Variants in GALNTL6 observed in about 807,000 individuals in gnomAD.
The protein encoded by GALNTL6 is polypeptide N-acetylgalactosaminyltransferase-like 6.
A neutral mutation model predicts 73.7 loss-of-function variants in GALNTL6; 46 were observed. The observed-to-expected ratio is 0.62, with a 90% confidence interval of 0.49 to 0.80. The LOEUF (loss-of-function observed/expected upper bound fraction) is 0.80. GALNTL6 is among the 30% of genes least tolerant of loss of function. The probability of loss-of-function intolerance (pLI) is 0.00; values close to 1 mark genes in which losing one functional copy is unlikely to be tolerated. For missense variants in GALNTL6, 604 were observed against 755.0 expected, an observed-to-expected ratio of 0.80 and a Z score of 2.34; for synonymous variants, 259 against 263.7, an observed-to-expected ratio of 0.98 and a Z score of 0.17.
Position 172,176,337 on chromosome 4 carries a change from C to CAAAAAAAA in GALNTL6, c.139-53307_139-53300dup, listed in dbSNP as rs562300659. Among the ~76,000 whole-genome samples, 30 of 31,366 alleles carry CAAAAAAAA rather than the reference C, an allele frequency of 9.6e-4. 12 individuals carry two copies. Among genetic ancestry groups the CAAAAAAAA allele is most frequent in the South Asian group, 8.5e-3 (5 of 590 alleles). The allele number at this position is 31,366 out of a possible 152,430, so 20.6% of individuals were successfully genotyped here. On this transcript the variant is annotated intron_variant, in intron 2 of 12. Transcript: ENST00000506823. ...CCTGGGCGACAGCGAGACTCCGTCTCAAAAAAAAAAAAAAAAAAAGAGTGT... is the reference window on the plus strand; with the variant it reads ...CCTGGGCGACAGCGAGACTCCGTCTCAAAAAAAAAAAAAAAAAAAAAAAAAAAGAGTGT...
chr4:172,386,812 A>G (rs1278314158), intron 5 of GALNTL6, among the ~76,000 whole-genome samples: 2 of 152,090 alleles, frequency 1.3e-5, no homozygotes, highest in South Asian at 2.1e-4. Flanking sequence ...CCCCCAGCCA[A>G]TTGGATAGTT....
chr4:172,472,096 A>G (rs1156485947), intron 5 of GALNTL6, among the ~76,000 whole-genome samples: 1 of 152,210 alleles, frequency 6.6e-6, no homozygotes, highest in Admixed American at 6.5e-5. Context: ...AAATTCATAG[A>G]AGTTTTAGAA....
chr4:172,733,416 C>T (rs946135260), intron 5 of GALNTL6, among the ~76,000 whole-genome samples: 2 of 151,986 alleles, frequency 1.3e-5, no homozygotes, highest in Non-Finnish European at 2.9e-5. Context: ...TATGGTTTGG[C>T]TGTGTCCCTG....
At chr4:172,082,819 A>C (rs1158168062) in intron 2 of GALNTL6, among the ~76,000 whole-genome samples, 1 of 152,210 alleles carries the variant, frequency 6.6e-6, no homozygotes, top group Non-Finnish European at 1.5e-5. Context: ...AAAATGAGAA[A>C]GGAGACATCT....
chr4:172,053,605 C>T (rs974269149), intron 2 of GALNTL6, among the ~76,000 whole-genome samples: 2 of 152,220 alleles, frequency 1.3e-5, no homozygotes, highest in African/African-American at 2.4e-5. Flanking sequence ...CCACTACAAG[C>T]GAACTTAGTG....
chr4:172,902,557 A>G (rs1011105649), intron 8 of GALNTL6, among the ~76,000 whole-genome samples: 2 of 152,196 alleles, frequency 1.3e-5, no homozygotes, highest in Non-Finnish European at 2.9e-5. Context: ...TAATTCCAGG[A>G]AAAGCTCTTG....
At chr4:171,840,513 C>T (rs1414144913) in intron 2 of GALNTL6, among the ~76,000 whole-genome samples, 2 of 152,124 alleles carry the variant, frequency 1.3e-5, no homozygotes, top group Non-Finnish European at 1.5e-5. Context: ...CTTCCTCACC[C>T]GTGATGGCCC....
chr4:171,963,088 G>A (rs1739277474), intron 2 of GALNTL6, among the ~76,000 whole-genome samples: 1 of 148,338 alleles, frequency 6.7e-6, no homozygotes, highest in Middle Eastern at 3.2e-3. Context: ...TTTTTTTAAA[G>A]AGAAACATAA....
chr4:172,709,068 T>C (rs948147373), intron 5 of GALNTL6, among the ~76,000 whole-genome samples: 1 of 152,222 alleles, frequency 6.6e-6, no homozygotes, highest in African/African-American at 2.4e-5. Flanking sequence ...CTTCATTTCA[T>C]GTTTTACCCT....
chr4:172,170,809 C>T (rs960042997), intron 2 of GALNTL6, among the ~76,000 whole-genome samples: 2 of 152,096 alleles, frequency 1.3e-5, no homozygotes, highest in African/African-American at 4.8e-5. Flanking sequence ...ACACCACGCC[C>T]TGCTGGGAAA....
At chr4:172,304,193 A>G (rs1283845132) in intron 3 of GALNTL6, among the ~76,000 whole-genome samples, 1 of 152,198 alleles carries the variant, frequency 6.6e-6, no homozygotes, top group Non-Finnish European at 1.5e-5. Flanking sequence ...GTACATGAAT[A>G]ACTTTCTTCA....
intron 2 of GALNTL6, among the ~76,000 whole-genome samples, chr4:172,150,214 T>C (rs1734041515): frequency 6.6e-6 from 1 of 152,256 alleles, no homozygotes. Flanking sequence ...TGAAGAGACA[T>C]AGTGCCAGCC....
At chr4:172,032,619 C>T (rs1741802824) in intron 2 of GALNTL6, among the ~76,000 whole-genome samples, 1 of 152,024 alleles carries the variant, frequency 6.6e-6, no homozygotes, top group Non-Finnish European at 1.5e-5. Flanking sequence ...TAAAACCTGC[C>T]TTAGGTGCTC....
chr4:171,986,833 A>T (rs183788914), intron 2 of GALNTL6, among the ~76,000 whole-genome samples: 27 of 152,332 alleles, frequency 1.8e-4, no homozygotes, highest in Non-Finnish European at 3.2e-4. Context: ...GCCTAAGGAG[A>T]TTCAGCATAG....
intron 5 of GALNTL6, among the ~76,000 whole-genome samples, chr4:172,513,368 G>T (rs1333507683): frequency 6.6e-6 from 1 of 151,922 alleles, no homozygotes; most frequent in Non-Finnish European, 1.5e-5. Flanking sequence ...ACCTTTCTCT[G>T]GTTCCTCTCT....
chr4:172,044,704 C>T (rs570465684), intron 2 of GALNTL6, among the ~76,000 whole-genome samples: 1 of 151,870 alleles, frequency 6.6e-6, no homozygotes, highest in African/African-American at 2.4e-5. Context: ...ATTTATTAGA[C>T]TCTCTAGAGT....
At chr4:172,345,774 G>A (rs333407) in intron 4 of GALNTL6, among the ~76,000 whole-genome samples, 14,854 of 152,142 alleles carry the variant, frequency 0.098, 808 homozygotes, top group East Asian at 0.18. Context: ...AGAGTGGTGC[G>A]GTTCAGGGAA....
At chr4:172,236,650 T>G (rs1460398113) in intron 3 of GALNTL6, among the ~76,000 whole-genome samples, 1 of 152,200 alleles carries the variant, frequency 6.6e-6, no homozygotes, top group East Asian at 1.9e-4. Context: ...TACATTACAT[T>G]TCTGTTTCGT....
chr4:172,147,335 A>G (rs1003874122), intron 2 of GALNTL6, among the ~76,000 whole-genome samples: 2 of 152,238 alleles, frequency 1.3e-5, no homozygotes, highest in African/African-American at 4.8e-5. Flanking sequence ...GATTCTCATT[A>G]TCGCTTAAGG....
Sources: allele counts gnomAD v4.1 joint callset (sites outside exome capture counted in the v4.1 genomes callset), GRCh38; gene constraint gnomAD v4.1.1; transcripts MANE v1.5; gene names NCBI Gene and HGNC (gene_info 2026-07-23, HGNC 2026-07-21).